The following RBFOX1 variants were observed in gnomAD, a reference collection of about 807,000 sequenced individuals.
RBFOX1 encodes the protein RNA binding protein fox-1 homolog 1.
In RBFOX1, 8 loss-of-function variants were observed where a neutral mutation model predicts 57.7. The observed-to-expected ratio is 0.14, with a 90% CI of 0.08 to 0.25. The LOEUF is 0.25. RBFOX1 is among the 10% of genes least tolerant of loss of function. The probability of loss-of-function intolerance (pLI) is 1.00; values close to 1 mark genes in which losing one functional copy is unlikely to be tolerated. For missense variants in RBFOX1, 611 were observed against 548.5 expected, an observed-to-expected ratio of 1.11 and a Z score of -1.14; for synonymous variants, 326 against 222.4, an observed-to-expected ratio of 1.47 and a Z score of -4.15.
At chr16:6,218,474 A>C (rs2097350678) in intron 1 of RBFOX1, among the ~76,000 whole-genome samples, 1 of 151,854 alleles carries the variant, frequency 6.6e-6, no homozygotes, top group South Asian at 2.1e-4. Context: ...ACACCTGGCT[A>C]ATTTTTGTGT....
chr16:5,711,261 T>C (rs28579251), intron 3 of RBFOX1, among the ~76,000 whole-genome samples: 38 of 152,202 alleles, frequency 2.5e-4, no homozygotes, highest in Non-Finnish European at 4.6e-4. Context: ...ATGGTAAGTA[T>C]TGGTATTAGT....
intron 1 of RBFOX1, among the ~76,000 whole-genome samples, chr16:5,408,795 C>T (rs1408374148): frequency 6.6e-6 from 1 of 152,280 alleles, no homozygotes; most frequent in East Asian, 1.9e-4. Flanking sequence ...AAAGCAGGAG[C>T]AAGACAGAGT....
chr16:6,078,361 A>G (rs1161575788), intron 1 of RBFOX1, among the ~76,000 whole-genome samples: 2 of 152,152 alleles, frequency 1.3e-5, no homozygotes, highest in Non-Finnish European at 2.9e-5. Flanking sequence ...AATGTTGTCC[A>G]ACAATAATTC....
At chr16:5,698,121 A>C (rs927007498) in intron 3 of RBFOX1, among the ~76,000 whole-genome samples, 1 of 152,176 alleles carries the variant, frequency 6.6e-6, no homozygotes. Flanking sequence ...TTAGACTCTG[A>C]TGAATCCCAT....
At chr16:5,721,181 A>G (rs1407035448) in intron 3 of RBFOX1, among the ~76,000 whole-genome samples, 3 of 152,104 alleles carry the variant, frequency 2.0e-5, no homozygotes, top group African/African-American at 7.2e-5. Context: ...TCCTAAGTTT[A>G]TTTTAAAGTT....
intron 1 of RBFOX1, among the ~76,000 whole-genome samples, chr16:5,411,042 A>C (rs185625156): frequency 2.4e-4 from 37 of 152,206 alleles, no homozygotes; most frequent in African/African-American, 8.4e-4. Flanking sequence ...GTGAGTTGTT[A>C]TCCTCCTCCA....
chr16:5,796,217 C>T (rs1358038307), intron 3 of RBFOX1, among the ~76,000 whole-genome samples: 1 of 152,170 alleles, frequency 6.6e-6, no homozygotes, highest in Non-Finnish European at 1.5e-5. Context: ...AGGCTGGGTT[C>T]TGAAATGCAC....
intron 4 of RBFOX1, among the ~76,000 whole-genome samples, chr16:7,139,576 C>T (rs1401302229): frequency 6.6e-6 from 1 of 152,098 alleles, no homozygotes; most frequent in Non-Finnish European, 1.5e-5. Flanking sequence ...GTAAGGGTAA[C>T]TTCTACTACT....
rs565445376 is a variant in RBFOX1 at position 7,009,894 on chromosome 16, C to G, written c.-15-42163C>G. ...CCTGGGCTATTTTGGTGCCGTTTAG[C>G]TGTGAACAAGTTTAATAATTTATAA... On this transcript the variant is annotated intron_variant, in intron 3 of 15. Coordinates refer to ENST00000550418, the MANE Select transcript of RBFOX1 (RefSeq NM_018723.4). Among the ~76,000 whole-genome samples the G allele has an allele frequency of 8.5e-5, 13 of 152,312 alleles. No homozygotes were observed. In the East Asian group the frequency reaches 2.5e-3, roughly 29 times the overall value.
chr16:6,989,007 C>A (rs548573150), intron 3 of RBFOX1, among the ~76,000 whole-genome samples: 174 of 152,116 alleles, frequency 1.1e-3, no homozygotes, highest in African/African-American at 3.9e-3. Flanking sequence ...AGGTGATCCA[C>A]CCCCCTCGGA....
intron 4 of RBFOX1, among the ~76,000 whole-genome samples, chr16:7,430,147 C>T (rs2098664705): frequency 6.6e-6 from 1 of 152,204 alleles, no homozygotes; most frequent in African/African-American, 2.4e-5. Context: ...ACCAAATGAG[C>T]TTATCATTAA....
chr16:7,439,420 C>T (rs532308708), intron 4 of RBFOX1, among the ~76,000 whole-genome samples: 2 of 151,862 alleles, frequency 1.3e-5, no homozygotes, highest in Non-Finnish European at 2.9e-5. Context: ...GAAAAGGCAT[C>T]CATTCACTTT....
chr16:5,848,568 C>T (rs1011450716), intron 3 of RBFOX1, among the ~76,000 whole-genome samples: 7 of 152,128 alleles, frequency 4.6e-5, no homozygotes, highest in African/African-American at 1.2e-4. Flanking sequence ...CTAATTGTAA[C>T]GGATGAGTAG....
At chr16:7,570,516 C>G (rs1276395493) in intron 5 of RBFOX1, among the ~76,000 whole-genome samples, 1 of 152,186 alleles carries the variant, frequency 6.6e-6, no homozygotes, top group Non-Finnish European at 1.5e-5. Flanking sequence ...GACCCACAGA[C>G]AACCCTGAGA....
chr16:5,807,321 C>A (rs1031517678), intron 3 of RBFOX1, among the ~76,000 whole-genome samples: 1 of 152,166 alleles, frequency 6.6e-6, no homozygotes, highest in Non-Finnish European at 1.5e-5. Flanking sequence ...CTGAGCACCT[C>A]TCTTAGTATT....
At chr16:7,458,427 A>G (rs1300577618) in intron 4 of RBFOX1, among the ~76,000 whole-genome samples, 1 of 152,176 alleles carries the variant, frequency 6.6e-6, no homozygotes, top group African/African-American at 2.4e-5. Context: ...TGAGAAAGAA[A>G]ATAGCTCATG....
At chr16:6,964,209 G>A (rs1047093082) in intron 3 of RBFOX1, among the ~76,000 whole-genome samples, 4 of 151,562 alleles carry the variant, frequency 2.6e-5, no homozygotes, top group African/African-American at 7.3e-5. Context: ...AGTAGAGATG[G>A]GGTTTCACCT....
chr16:6,798,366 G>A (rs576327641), intron 3 of RBFOX1, among the ~76,000 whole-genome samples: 2 of 152,242 alleles, frequency 1.3e-5, no homozygotes, highest in South Asian at 2.1e-4. Context: ...TTGGGCAAAC[G>A]TGAAAGCCAT....
At chr16:5,393,238 G>A (rs1449734836) in intron 1 of RBFOX1, among the ~76,000 whole-genome samples, 1 of 152,112 alleles carries the variant, frequency 6.6e-6, no homozygotes, top group East Asian at 1.9e-4. Context: ...CCCAGCACTG[G>A]ACACGGTGCC....
Sources: allele counts gnomAD v4.1 joint callset (sites outside exome capture counted in the v4.1 genomes callset), GRCh38; gene constraint gnomAD v4.1.1; transcripts MANE v1.5; gene names NCBI Gene and HGNC (gene_info 2026-07-23, HGNC 2026-07-21).